NCKAP5: variants seen among roughly 807,000 people sequenced by gnomAD.
NCKAP5 encodes the protein NCK associated protein 5.
In NCKAP5, 92 loss-of-function variants were observed where a neutral mutation model predicts 167.0. The ratio of observed to expected loss-of-function variants is 0.55; its 90% confidence interval spans 0.47 to 0.66. NCKAP5 has a LOEUF of 0.66. Ranked by LOEUF, NCKAP5 falls within the 30% of genes least tolerant of loss-of-function variation. The pLI is 0.00. For synonymous variants in NCKAP5, 891 were observed against 877.4 expected, an observed-to-expected ratio of 1.02 and a Z score of -0.27; for missense variants, 2,378 against 2,315.0, an observed-to-expected ratio of 1.03 and a Z score of -0.56.
intron 8 of NCKAP5, among the ~76,000 whole-genome samples, chr2:132,924,334 G>A (rs920700321): frequency 6.6e-5 from 10 of 152,068 alleles, no homozygotes; most frequent in African/African-American, 1.2e-4. Context: ...AGACGATGTC[G>A]TAGATGGAAG....
intron 4 of NCKAP5, among the ~76,000 whole-genome samples, chr2:133,264,066 T>C (rs1405194160): frequency 6.6e-6 from 1 of 152,184 alleles, no homozygotes; most frequent in Non-Finnish European, 1.5e-5. Context: ...CCTCCAGCAG[T>C]TCACCAGGCC....
chr2:133,510,991 C>T (rs1341023871), intron 3 of NCKAP5, among the ~76,000 whole-genome samples: 1 of 152,178 alleles, frequency 6.6e-6, no homozygotes, highest in Non-Finnish European at 1.5e-5. Context: ...TATTAAGCCT[C>T]CATAAATTTC....
intron 13 of NCKAP5, 76 bp from the exon 14 acceptor site, chr2:132,785,794 G>T: frequency 8.2e-7 from 1 of 1,224,352 alleles, no homozygotes. Context: ...AGTACATCAT[G>T]GGACTTAATT....
intron 6 of NCKAP5, among the ~76,000 whole-genome samples, chr2:133,115,791 A>ATATAT (rs2082057158): frequency 9.8e-6 from 1 of 102,182 alleles, no homozygotes; most frequent in Admixed American, 9.1e-5. Context: ...ATATATATAT[A>ATATAT]TATATATATA....
chr2:132,880,866 C>T (rs974471482), intron 8 of NCKAP5, among the ~76,000 whole-genome samples: 2 of 152,140 alleles, frequency 1.3e-5, no homozygotes, highest in Admixed American at 1.3e-4. Flanking sequence ...CTTTCCATTT[C>T]TTTTCTGTAC....
chr2:133,227,522 T>A (rs1474529606), intron 4 of NCKAP5, among the ~76,000 whole-genome samples: 2 of 152,174 alleles, frequency 1.3e-5, no homozygotes, highest in Non-Finnish European at 2.9e-5. Context: ...TTGAAACTGG[T>A]CTGCCCATAA....
intron 7 of NCKAP5, among the ~76,000 whole-genome samples, chr2:132,988,801 T>A (rs1220314274): frequency 6.6e-6 from 1 of 152,226 alleles, no homozygotes; most frequent in Non-Finnish European, 1.5e-5. Context: ...AAAAAAGGAA[T>A]GTAATCCCCT....
At chr2:132,878,993 C>T (rs911289565) in intron 8 of NCKAP5, 77 bp from the exon 9 acceptor site, 2 of 1,084,398 alleles carry the variant, frequency 1.8e-6, no homozygotes, top group Admixed American at 1.7e-5. Context: ...CATACAGTTA[C>T]TAAATATATC....
chr2:133,470,176 C>T (rs1216342053), intron 3 of NCKAP5, among the ~76,000 whole-genome samples: 3 of 152,114 alleles, frequency 2.0e-5, no homozygotes, highest in African/African-American at 2.4e-5. Context: ...TGGTGATGTA[C>T]AGATGGGTTT....
intron 8 of NCKAP5, among the ~76,000 whole-genome samples, chr2:132,897,634 G>A (rs1421256834): frequency 6.6e-6 from 1 of 152,170 alleles, no homozygotes; most frequent in Non-Finnish European, 1.5e-5. Context: ...GACATCATGA[G>A]TTTGATCATG....
At chr2:133,324,539 A>C (rs1682292995) in intron 3 of NCKAP5, among the ~76,000 whole-genome samples, 1 of 152,162 alleles carries the variant, frequency 6.6e-6, no homozygotes, top group Admixed American at 6.5e-5. Flanking sequence ...AACCCAGGCA[A>C]GTTGCTGAAG....
chr2:133,576,716 G>A, the NCKAP5 span, among the ~76,000 whole-genome samples: 22 of 152,138 alleles, frequency 1.4e-4, no homozygotes, highest in African/African-American at 5.3e-4. Flanking sequence ...GTACAGAACT[G>A]GAAAAGTTAG....
At chr2:132,683,883 A>G (rs924984156) in intron 19 of NCKAP5, among the ~76,000 whole-genome samples, 2 of 152,202 alleles carry the variant, frequency 1.3e-5, no homozygotes, top group African/African-American at 4.8e-5. Context: ...TACCTGAGTG[A>G]TAAACCTACA....
intron 9 of NCKAP5, among the ~76,000 whole-genome samples, chr2:132,875,548 G>A (rs375022637): frequency 1.4e-4 from 22 of 152,212 alleles, no homozygotes; most frequent in East Asian, 9.6e-4. Flanking sequence ...TCCAGTAAAG[G>A]TTTGCAGGAT....
chr2:132,859,357 A>G (rs545246891), intron 11 of NCKAP5, among the ~76,000 whole-genome samples: 130 of 152,236 alleles, frequency 8.5e-4, no homozygotes, highest in African/African-American at 3.1e-3. Context: ...TCCAAAATTC[A>G]GAGGGTAAAT....
intron 8 of NCKAP5, among the ~76,000 whole-genome samples, chr2:132,932,076 A>G (rs982714205): frequency 1.3e-5 from 2 of 152,206 alleles, no homozygotes; most frequent in Non-Finnish European, 2.9e-5. Flanking sequence ...GGCGCTCCTC[A>G]CTGGTAATCA....
chr2:133,036,647 T>C (rs1193081302), intron 6 of NCKAP5, among the ~76,000 whole-genome samples: 1 of 151,912 alleles, frequency 6.6e-6, no homozygotes, highest in African/African-American at 2.4e-5. Flanking sequence ...CTAAAAAAAC[T>C]AGGGATAGAA....
intron 19 of NCKAP5, among the ~76,000 whole-genome samples, chr2:132,705,824 G>T (rs1688307335): frequency 6.6e-6 from 1 of 152,186 alleles, no homozygotes; most frequent in Admixed American, 6.5e-5. Flanking sequence ...AGGACGTCAA[G>T]GCCCAGAGAA....
At chr2:133,162,804 TA>T (rs1268049935) in intron 5 of NCKAP5, among the ~76,000 whole-genome samples, 19 of 152,330 alleles carry the variant, frequency 1.2e-4, no homozygotes, top group African/African-American at 4.3e-4. Flanking sequence ...TGGCTACTCT[TA>T]AATTACTTTC....
Sources: gnomAD v4.1 joint callset for allele counts (sites outside exome capture counted in the v4.1 genomes callset) on GRCh38, gnomAD v4.1.1 for gene constraint, MANE v1.5 for transcripts, NCBI Gene and HGNC (gene_info 2026-07-23, HGNC 2026-07-21) for gene names.